ZBTB44: variants seen among roughly 807,000 people sequenced by gnomAD.
ZBTB44 encodes zinc finger and BTB domain-containing protein 44.
Under a neutral mutation model 54.0 loss-of-function variants are expected in ZBTB44, and 15 were observed. The observed-to-expected ratio is 0.28, with a 90% CI of 0.19 to 0.43. ZBTB44 has a LOEUF of 0.43. ZBTB44 is among the 20% of genes least tolerant of loss of function. The pLI, the probability that ZBTB44 is intolerant of heterozygous loss-of-function variation, is 1.00. For missense variants in ZBTB44, 487 were observed against 707.1 expected (o/e 0.69, Z 3.53); for synonymous variants, 230 against 250.1 (o/e 0.92, Z 0.76).
intron 1 of ZBTB44, among the ~76,000 whole-genome samples, chr11:130,276,433 T>G (rs1940107279): frequency 6.7e-6 from 1 of 149,780 alleles, no homozygotes; most frequent in Non-Finnish European, 1.5e-5. Flanking sequence ...ATACGTTTCT[T>G]TTTTTTTTCT....
intron 1 of ZBTB44, among the ~76,000 whole-genome samples, chr11:130,301,842 A>G (rs565746280): frequency 6.6e-5 from 10 of 152,240 alleles, no homozygotes; most frequent in African/African-American, 2.2e-4. Flanking sequence ...TGAGCCCAGG[A>G]GTTTGAGACC....
chr11:130,277,394 C>T (rs1940183179), intron 1 of ZBTB44, among the ~76,000 whole-genome samples: 1 of 152,158 alleles, frequency 6.6e-6, no homozygotes, highest in Middle Eastern at 3.2e-3. Flanking sequence ...TCAATTCCCT[C>T]CCCCATTTAT....
At chr11:130,306,119 G>A (rs938798810) in intron 1 of ZBTB44, among the ~76,000 whole-genome samples, 6 of 152,152 alleles carry the variant, frequency 3.9e-5, no homozygotes. Flanking sequence ...ATATTGGCAT[G>A]ACTGTGGTGA....
intron 2 of ZBTB44, among the ~76,000 whole-genome samples, chr11:130,249,942 C>A (rs1937862453): frequency 6.6e-6 from 1 of 152,130 alleles, no homozygotes; most frequent in South Asian, 2.1e-4. Context: ...GCAAAGGGGG[C>A]TGAAGCCAGG....
intron 1 of ZBTB44, among the ~76,000 whole-genome samples, chr11:130,293,024 T>C (rs1941397799): frequency 6.6e-6 from 1 of 152,218 alleles, no homozygotes; most frequent in African/African-American, 2.4e-5. Flanking sequence ...ACATGAGAAC[T>C]CATATTTGGG....
At chr11:130,313,912 G>GTGTGTGTGTGTA (rs1304037085) in intron 1 of ZBTB44, among the ~76,000 whole-genome samples, 1 of 134,542 alleles carries the variant, frequency 7.4e-6, no homozygotes, top group African/African-American at 2.7e-5. Flanking sequence ...AAAGAGGTGT[G>GTGTGTGTGTGTA]TGTGTGTGTG....
intron 1 of ZBTB44, among the ~76,000 whole-genome samples, chr11:130,284,863 G>A (rs767218507): frequency 6.6e-6 from 1 of 151,082 alleles, no homozygotes; most frequent in African/African-American, 2.4e-5. Flanking sequence ...GCGAGACTAC[G>A]TCTCCAAAAA....
In ZBTB44 at chr11:130,229,578, A is replaced by C. The variant is rs1035698262; in HGVS notation, c.*2186T>G. 6 of 152,188 alleles carry C rather than the reference A, an allele frequency of 3.9e-5. No homozygotes were observed. The highest frequency in any genetic ancestry group is 1.4e-4 in the African/African-American group (6 of 41,454). 9.4% of individuals were successfully genotyped at this position (152,188 alleles called of 1,614,324 possible). A position where few individuals can be genotyped will look rare whatever the true frequency, so the allele number is the denominator to read the frequency against. On this transcript the variant is annotated 3_prime_UTR_variant, in exon 8 of 8. Transcript: ENST00000357899. ...AAAAATGGGTATAGGCAAAATAAGG[A>C]ACAACTTAATTTAAATGTTCATAGT...
At chr11:130,292,369 T>C (rs898017056) in intron 1 of ZBTB44, among the ~76,000 whole-genome samples, 28 of 152,238 alleles carry the variant, frequency 1.8e-4, no homozygotes, top group Admixed American at 1.1e-3. Context: ...TATAATACTT[T>C]ACATACAAGT....
intron 1 of ZBTB44, among the ~76,000 whole-genome samples, chr11:130,309,485 A>G (rs1351681185): frequency 1.3e-5 from 2 of 152,170 alleles, no homozygotes; most frequent in Non-Finnish European, 2.9e-5. Context: ...ATTTATATCA[A>G]ATTTGGTCCA....
At chr11:130,295,058 G>A (rs1483905884) in intron 1 of ZBTB44, among the ~76,000 whole-genome samples, 1 of 151,732 alleles carries the variant, frequency 6.6e-6, no homozygotes, top group Non-Finnish European at 1.5e-5. Flanking sequence ...CGTGATCTAG[G>A]CACTTCTTGG....
intron 1 of ZBTB44, among the ~76,000 whole-genome samples, chr11:130,288,322 C>A (rs1396663277): frequency 6.6e-6 from 1 of 150,790 alleles, no homozygotes; most frequent in African/African-American, 2.4e-5. Flanking sequence ...TGCAGTGAGC[C>A]GAGATCATGC....
intron 2 of ZBTB44, among the ~76,000 whole-genome samples, chr11:130,250,764 C>T (rs753947044): frequency 2.8e-4 from 43 of 152,222 alleles, no homozygotes; most frequent in Admixed American, 8.5e-4. Context: ...TCCACACAGA[C>T]GCCCCATCCA....
chr11:130,254,467 T>C (rs1938278636), intron 2 of ZBTB44, among the ~76,000 whole-genome samples: 1 of 152,044 alleles, frequency 6.6e-6, no homozygotes, highest in Non-Finnish European at 1.5e-5. Context: ...AAAAGACACA[T>C]GAAAAAATGC....
Position 130,265,885 on chromosome 11 carries a change from A to G in ZBTB44, c.-56-3956T>C, listed in dbSNP as rs535777259. Among the ~76,000 whole-genome samples the G allele has an allele frequency of 8.9e-4, 136 of 152,384 alleles. 6 individuals carry two copies. In the South Asian group the frequency reaches 0.027, roughly 30 times the overall value. ...GGAAAGAAGCCATCTCCATAACATAAAAGTGCAAGGTGAACCCACAAGTGC... is the reference window on the plus strand; with the variant it reads ...GGAAAGAAGCCATCTCCATAACATAGAAGTGCAAGGTGAACCCACAAGTGC... On this transcript the variant is annotated intron_variant, in intron 1 of 7. Transcript: ENST00000357899.
At chr11:130,311,434 C>T (rs757363900) in intron 1 of ZBTB44, among the ~76,000 whole-genome samples, 9 of 152,106 alleles carry the variant, frequency 5.9e-5, no homozygotes, top group Non-Finnish European at 8.8e-5. Context: ...GCCTTGAACT[C>T]CTGGGCTCAA....
intron 2 of ZBTB44, among the ~76,000 whole-genome samples, chr11:130,248,809 TAAC>T (rs1288650472): frequency 6.6e-6 from 1 of 151,870 alleles, no homozygotes; most frequent in Non-Finnish European, 1.5e-5. Context: ...AACTTGTTAA[TAAC>T]ATCATAAAGG....
chr11:130,273,681 T>G (rs957386971), intron 1 of ZBTB44, among the ~76,000 whole-genome samples: 13 of 152,342 alleles, frequency 8.5e-5, no homozygotes, highest in African/African-American at 3.1e-4. Context: ...ACTGGTTTTA[T>G]ATTCTGCAAC....
At chr11:130,276,657 A>T (rs745520260) in intron 1 of ZBTB44, among the ~76,000 whole-genome samples, 4 of 151,364 alleles carry the variant, frequency 2.6e-5, no homozygotes, top group Non-Finnish European at 5.9e-5. Context: ...CTGGTCTCAA[A>T]CTCCTAAGTG....
Sources: allele counts gnomAD v4.1 joint callset (sites outside exome capture counted in the v4.1 genomes callset), GRCh38; gene constraint gnomAD v4.1.1; transcripts MANE v1.5; gene names NCBI Gene and HGNC (gene_info 2026-07-23, HGNC 2026-07-21).